AKNA: variants seen among roughly 807,000 people sequenced by gnomAD.
AKNA encodes the protein AT-hook transcription factor.
AKNA carries 67 observed loss-of-function variants against 138.8 expected under a neutral mutation model. The observed-to-expected ratio is 0.48, with a 90% CI of 0.40 to 0.59. The LOEUF (loss-of-function observed/expected upper bound fraction) is 0.59, where lower values mean the gene tolerates loss of function less well. Among genes scored for constraint, AKNA ranks in the 20% least tolerant of loss-of-function variants. AKNA has a pLI of 0.00. For missense variants in AKNA, 1,813 were observed against 1,880.4 expected (o/e 0.96, Z 0.66); for synonymous variants, 737 against 754.4 (o/e 0.98, Z 0.38).
At chr9:114,375,998 C>T (rs4979371) in intron 3 of AKNA, 192,869 of 429,802 alleles carry the variant, frequency 0.45, 46,920 homozygotes, top group Middle Eastern at 0.54. Context: ...AGCCAGCCTC[C>T]ACCCCAGGCC....
chr9:114,384,839 A>G (rs1833919869), intron 1 of AKNA, among the ~76,000 whole-genome samples: 1 of 152,154 alleles, frequency 6.6e-6, no homozygotes, highest in Non-Finnish European at 1.5e-5. Flanking sequence ...TAACCCCTGT[A>G]TTATTCAAGG....
rs147478032 is a variant in AKNA, at chr9:114,337,140, C to T, written c.4234G>A (p.Val1412Ile). 2.2e-4 allele frequency: 353 copies of T among 1,609,764 alleles called. 2 individuals carry two copies. Among genetic ancestry groups the T allele is most frequent in the South Asian group, 7.1e-4 (64 of 90,578 alleles). ...CTCATCTGCCTGGTGGTAGAGCGGA[C>T]GCTCTCGGCAGCCTGCACGGCCCGG... Reference protein sequence around the residue: ...LSRAVQAAESVRSTTRQMRSS... With the variant: ...LSRAVQAAESIRSTTRQMRSS... Residue 1412 changes from valine (V) to isoleucine (I), a missense_variant, in exon 22 of 22, where the codon GTC (valine) becomes ATC (isoleucine). Transcript: ENST00000374088.
chr9:114,392,341 C>A (rs1463584046), upstream of AKNA, among the ~76,000 whole-genome samples: 1 of 152,212 alleles, frequency 6.6e-6, no homozygotes, highest in Non-Finnish European at 1.5e-5. Context: ...CTCCTGGATT[C>A]TTTATTCCAT....
upstream of AKNA, among the ~76,000 whole-genome samples, chr9:114,390,592 C>G (rs1420648311): frequency 3.9e-5 from 6 of 152,202 alleles, no homozygotes; most frequent in Non-Finnish European, 8.8e-5. Context: ...CACACTGCAC[C>G]GATGTGGTCT....
chr9:114,392,376 T>C (rs1188074630), upstream of AKNA, among the ~76,000 whole-genome samples: 1 of 152,246 alleles, frequency 6.6e-6, no homozygotes, highest in Non-Finnish European at 1.5e-5. Flanking sequence ...AGAAATGCCA[T>C]GCAGACAGGA....
At chr9:114,371,401 C>A (rs2132007459) in intron 4 of AKNA, among the ~76,000 whole-genome samples, 1 of 152,372 alleles carries the variant, frequency 6.6e-6, no homozygotes, top group Admixed American at 6.5e-5. Context: ...GGTCCATAAA[C>A]ATCACCTATG....
At chr9:114,339,955 C>CGGGTGTG (rs1830229210) in intron 21 of AKNA, among the ~76,000 whole-genome samples, 2 of 152,090 alleles carry the variant, frequency 1.3e-5, no homozygotes. Flanking sequence ...AAAAATTAGC[C>CGGGTGTG]GGGTGTGGTG....
chr9:114,395,736 TAAAAAA>T (rs11297740), upstream of AKNA, among the ~76,000 whole-genome samples: 2 of 108,248 alleles, frequency 1.8e-5, no homozygotes, highest in Non-Finnish European at 3.5e-5. Context: ...CAGCTGTCTT[TAAAAAA>T]AAAAAAAAAA....
At position 114,367,610 on chromosome 9, in the gene AKNA, G is replaced by T; in HGVS notation, c.1661C>A (p.Ser554Tyr). The change falls in exon 6 of 22, where the codon TCT becomes TAT. Residue 554 changes from serine to tyrosine, a missense_variant. By Grantham distance (144) the Ser-to-Tyr change is moderately radical. Transcript: ENST00000374088. ...CTGCTCTGCTGAGGACTGGTCCTCA[G>T]AGATGTCCCGGTTCTCCGGAAGCCA... ...LGWLPENRDI[S>Y]EDQSSAEQTQ... The T allele has an allele frequency of 6.2e-7, 1 of 1,610,148 alleles. No individual in the cohort carries two copies. The highest frequency in any genetic ancestry group is 1.1e-5 in the South Asian group (1 of 91,004).
At chr9:114,361,955 T>A (rs1832001362) in intron 8 of AKNA, 44 bp from the exon 9 acceptor site, 1 of 1,588,868 alleles carries the variant, frequency 6.3e-7, no homozygotes. Context: ...AGATGGCAGC[T>A]ACATCAGGCA....
chr9:114,377,604 C>G (rs1564656085), intron 2 of AKNA, 72 bp from the exon 3 acceptor site: 4 of 1,413,942 alleles, frequency 2.8e-6, no homozygotes, highest in Admixed American at 5.0e-5. Context: ...CCCTAAGTCA[C>G]TTCAACTCTC....
upstream of AKNA, among the ~76,000 whole-genome samples, chr9:114,396,249 T>C (rs1447471030): frequency 6.6e-6 from 1 of 152,214 alleles, no homozygotes; most frequent in Non-Finnish European, 1.5e-5. Flanking sequence ...AAATATTACC[T>C]ATGATATTAG....
chr9:114,366,660 AAAG>A (rs929443966), intron 6 of AKNA, among the ~76,000 whole-genome samples: 8 of 150,694 alleles, frequency 5.3e-5, no homozygotes, highest in Admixed American at 3.3e-4. Flanking sequence ...AAAGCAAGGG[AAAG>A]AAGGAGAGAT....
intron 6 of AKNA, among the ~76,000 whole-genome samples, chr9:114,365,983 G>A (rs1178444880): frequency 1.3e-5 from 2 of 152,264 alleles, no homozygotes; most frequent in East Asian, 1.9e-4. Flanking sequence ...CTCCGGCTAC[G>A]GAACCAAGAA....
downstream of AKNA, chr9:114,333,041 C>T (rs781722179): frequency 1.3e-6 from 2 of 1,592,798 alleles, no homozygotes; most frequent in South Asian, 2.3e-5. Flanking sequence ...CTGCTTCTCC[C>T]TCACCCCAAT....
chr9:114,378,052 C>A (rs1315175837), intron 2 of AKNA, among the ~76,000 whole-genome samples: 2 of 152,224 alleles, frequency 1.3e-5, no homozygotes, highest in Non-Finnish European at 2.9e-5. Flanking sequence ...TCATCCATGT[C>A]TTCCTGTGGA....
chr9:114,361,229 C>A (rs1326649670), intron 9 of AKNA, among the ~76,000 whole-genome samples: 2 of 152,100 alleles, frequency 1.3e-5, no homozygotes, highest in African/African-American at 4.8e-5. Context: ...TCTTCCCATA[C>A]TCTAGCCACA....
rs759680497 is a variant in AKNA, at chr9:114,374,180, G to A, written c.1342-13C>T. 1 of 1,553,446 alleles carries A rather than the reference G, an allele frequency of 6.4e-7. No homozygotes were observed. The highest frequency in any genetic ancestry group is 1.2e-5 in the South Asian group (1 of 84,148). On this transcript the variant is annotated splice_polypyrimidine_tract_variant and intron_variant, in intron 3 of 21. Transcript: ENST00000374088. ...TGTGGTAGTCTTCCTGCAGAAAGCGGGAGCAACACGGTCACATGCGCAGGC... is the reference window on the plus strand; with the variant it reads ...TGTGGTAGTCTTCCTGCAGAAAGCGAGAGCAACACGGTCACATGCGCAGGC...
intron 3 of AKNA, chr9:114,376,189 G>A: frequency 3.0e-6 from 1 of 328,798 alleles, no homozygotes; most frequent in Admixed American, 3.4e-5. Flanking sequence ...TCCACCCCAG[G>A]CCTCCCCACC....
Sources: allele counts gnomAD v4.1 joint callset (sites outside exome capture counted in the v4.1 genomes callset), GRCh38; gene constraint gnomAD v4.1.1; transcripts MANE v1.5; gene names NCBI Gene and HGNC (gene_info 2026-07-23, HGNC 2026-07-21).